Variants in RCC1 observed in about 807,000 individuals in gnomAD.
The protein encoded by RCC1 is regulator of chromosome condensation.
A neutral mutation model predicts 44.4 loss-of-function variants in RCC1; 11 were observed. The ratio of observed to expected loss-of-function variants is 0.25; its 90% CI spans 0.16 to 0.41. The LOEUF (loss-of-function observed/expected upper bound fraction) is 0.41. Among genes scored for constraint, RCC1 ranks in the 10% least tolerant of loss-of-function variants. The pLI is 1.00. For missense variants in RCC1, 386 were observed against 547.1 expected, an observed-to-expected ratio of 0.71 and a Z score of 2.94; for synonymous variants, 213 against 216.5, an observed-to-expected ratio of 0.98 and a Z score of 0.14.
rs117031390 is a variant in RCC1, at chr1:28,514,856, C to G, written c.-152-1869C>G. Among the ~76,000 whole-genome samples, 328 of 152,156 alleles carry G rather than the reference C, an allele frequency of 2.2e-3. 5 individuals are homozygous for G. In the South Asian group the frequency reaches 0.025, roughly 12 times the overall value. On this transcript the variant is annotated intron_variant, in intron 3 of 12. Transcript: ENST00000683442. ...AGCCAAGGCAGGCAGATCACGAGGT[C>G]AGAGCGAGACTCCGTCTCGAAAAAA...
Position 28,532,348 on chromosome 1 carries a change from C to T in RCC1, c.439C>T (p.Arg147Trp), listed in dbSNP as rs766832365. 2.5e-6 allele frequency: 4 copies of T among 1,613,808 alleles called. No individual in the cohort carries two copies. The highest frequency in any genetic ancestry group is 1.1e-5 in the South Asian group (1 of 91,064). Residue 147 changes from arginine to tryptophan, a missense_variant and splice_region_variant, in exon 7 of 13, where the codon CGG (arginine) becomes TGG (tryptophan). By Grantham distance (101) the Arg-to-Trp change is moderately radical. Transcript: ENST00000683442. ...DGRVFLWGSFRDNNGVIGLLE... is the reference protein window; with the variant it reads ...DGRVFLWGSFWDNNGVIGLLE... ...CCGTGTCTTCCTCTGGGGCTCCTTC[C>T]GGGTAAGGCTGGGTCTGAAAGTCTG...
chr1:28,536,090 C>T lies in RCC1; in HGVS notation c.817+64C>T. 2 of 1,555,860 alleles carry T rather than the reference C, an allele frequency of 1.3e-6. No individual in the cohort carries two copies. The highest frequency in any genetic ancestry group is 1.7e-6 in the Non-Finnish European group (2 of 1,149,576). On this transcript the variant is annotated intron_variant, in intron 10 of 12. Coordinates refer to ENST00000683442, the MANE Select transcript of RCC1 (RefSeq NM_001381865.2). This position sits in a 1 kb window ranked among gnomAD's most constrained non-coding sequence, Gnocchi z 4.9. Reference sequence around the variant, plus strand: ...CTGCGTTCCTGTCCTGGCTCTGCCACTCATTCATTGTGCATCCTTTGCGGG... The same window carrying T: ...CTGCGTTCCTGTCCTGGCTCTGCCATTCATTCATTGTGCATCCTTTGCGGG...
intron 7 of RCC1, among the ~76,000 whole-genome samples, chr1:28,533,674 G>A (rs1664325677): frequency 7.0e-6 from 1 of 143,520 alleles, no homozygotes; most frequent in Non-Finnish European, 1.5e-5. Flanking sequence ...GGAGGCTGAG[G>A]CAGGAGAATT....
At chr1:28,510,697 A>G (rs1662469996) in intron 3 of RCC1, 3 of 152,240 alleles carry the variant, frequency 2.0e-5, no homozygotes, top group Non-Finnish European at 4.4e-5. Flanking sequence ...GCATATTCCA[A>G]TGGGGAATCC....
At chr1:28,533,166 A>G (rs1664286046) in intron 7 of RCC1, among the ~76,000 whole-genome samples, 1 of 152,118 alleles carries the variant, frequency 6.6e-6, no homozygotes, top group South Asian at 2.1e-4. Context: ...GAGAATTTCA[A>G]ACACATGAAA....
intron 4 of RCC1, among the ~76,000 whole-genome samples, chr1:28,521,378 G>A (rs1481615927): frequency 4.0e-5 from 6 of 151,602 alleles, no homozygotes; most frequent in African/African-American, 1.5e-4. Context: ...GCAGGCGCCT[G>A]TAGTCCCAGC....
intron 5 of RCC1, chr1:28,530,530 G>A (rs751637932): frequency 6.2e-7 from 1 of 1,603,652 alleles, no homozygotes; most frequent in South Asian, 1.1e-5. Context: ...CAGACACGAG[G>A]GCCGCTGCCT....
chr1:28,506,295 G>T (rs537647807), intron 1 of RCC1: 9 of 438,402 alleles, frequency 2.1e-5, no homozygotes, highest in Non-Finnish European at 4.1e-5. Flanking sequence ...AGCGATTCTC[G>T]TGCCTCAGCC....
intron 3 of RCC1, among the ~76,000 whole-genome samples, chr1:28,514,141 A>G (rs1662724862): frequency 6.6e-6 from 1 of 150,846 alleles, no homozygotes; most frequent in African/African-American, 2.4e-5. Context: ...TAGGCAACAG[A>G]GCAAGACTCC....
intron 1 of RCC1, chr1:28,507,621 T>TTG (rs1662104107): frequency 2.4e-6 from 1 of 417,452 alleles, no homozygotes; most frequent in Non-Finnish European, 4.6e-6. Flanking sequence ...TTTTTTTTTT[T>TTG]GGAGATGGAG....
chr1:28,508,914 AT>A lies in RCC1; in HGVS notation c.-153+20del, dbSNP rs199555587. 31,150 of 406,358 alleles carry A rather than the reference AT, an allele frequency of 0.077. 2,585 individuals are homozygous for A. Among genetic ancestry groups the A allele is most frequent in the African/African-American group, 0.31 (15,540 of 49,512 alleles). 25.2% of individuals were successfully genotyped at this position (406,358 alleles called of 1,614,324 possible). ...TATAGAAGGGAGAGTAGGTAAACTG[AT>A]TTTTTTTTTTAACAGGGAGGGTTTG... On this transcript the variant is annotated intron_variant, in intron 3 of 12. Coordinates refer to ENST00000683442, the MANE Select transcript of RCC1 (RefSeq NM_001381865.2).
In RCC1 at chr1:28,516,739, A is replaced by G; in HGVS notation, c.-138A>G. The G allele has an allele frequency of 2.3e-6, 1 of 428,634 alleles. No homozygotes were observed. The highest frequency in any genetic ancestry group is 4.6e-6 in the Non-Finnish European group (1 of 216,860). The allele number at this position is 428,634 out of a possible 1,614,324, so 26.6% of individuals were successfully genotyped here. A position where few individuals can be genotyped will look rare whatever the true frequency, so the allele number is the denominator to read the frequency against. ...ATTACATGAAGCTACATGAATGTGTAAGATCTTGGAGGAAGACAGCAGAGA... is the reference window on the plus strand; with the variant it reads ...ATTACATGAAGCTACATGAATGTGTGAGATCTTGGAGGAAGACAGCAGAGA... On this transcript the variant is annotated 5_prime_UTR_variant, in exon 4 of 13. An upstream open reading frame in the 5' UTR loses its in-frame stop. Coordinates refer to ENST00000683442, the MANE Select transcript of RCC1 (RefSeq NM_001381865.2).
chr1:28,511,976 C>CT (rs36018995), intron 3 of RCC1, among the ~76,000 whole-genome samples: 2,925 of 99,484 alleles, frequency 0.029, 66 homozygotes, highest in Non-Finnish European at 0.04. Flanking sequence ...AAGCCTGATC[C>CT]TTTTTTTTTT....
In RCC1 at chr1:28,538,065, G is replaced by T; in HGVS notation, c.*58G>T. The T allele has an allele frequency of 6.5e-7, 1 of 1,530,346 alleles. No individual in the cohort carries two copies. Among genetic ancestry groups the T allele is most frequent in the East Asian group, 2.3e-5 (1 of 43,292 alleles). The allele number at this position is 1,530,346 out of a possible 1,614,324, so 94.8% of individuals were successfully genotyped here. On this transcript the variant is annotated 3_prime_UTR_variant, in exon 13 of 13. Coordinates refer to ENST00000683442, the MANE Select transcript of RCC1 (RefSeq NM_001381865.2). Reference sequence around the variant, plus strand: ...ACAACCTCCCTCACAGAACAGGGAAGCAGTGACAGCTGCAGATGGCAGCGG... The same window carrying T: ...ACAACCTCCCTCACAGAACAGGGAATCAGTGACAGCTGCAGATGGCAGCGG...
In RCC1 at chr1:28,538,177, T is replaced by C. The variant is rs1664673642; in HGVS notation, c.*170T>C. Reference sequence around the variant, plus strand: ...CCTTTTCCTCTTTTCCTTCCTCCTCTTTGGAATTTTCCTGGGACCTACAGA... The same window carrying C: ...CCTTTTCCTCTTTTCCTTCCTCCTCCTTGGAATTTTCCTGGGACCTACAGA... On this transcript the variant is annotated 3_prime_UTR_variant, in exon 13 of 13. Coordinates refer to ENST00000683442, the MANE Select transcript of RCC1 (RefSeq NM_001381865.2). 3 of 502,416 alleles carry C rather than the reference T, an allele frequency of 6.0e-6. No homozygotes were observed. The highest frequency in any genetic ancestry group is 6.7e-6 in the Non-Finnish European group (2 of 298,230). The allele number at this position is 502,416 out of a possible 1,614,324, so 31.1% of individuals were successfully genotyped here. A position where few individuals can be genotyped will look rare whatever the true frequency, so the allele number is the denominator to read the frequency against.
At chr1:28,534,479 CTCTTT>C (rs1664419721) in intron 7 of RCC1, among the ~76,000 whole-genome samples, 1 of 152,128 alleles carries the variant, frequency 6.6e-6, no homozygotes, top group Admixed American at 6.6e-5. Context: ...CGCGCCCGGC[CTCTTT>C]TCTTTTTTAA....
At chr1:28,526,914 G>T in intron 4 of RCC1, 4 of 710,152 alleles carry the variant, frequency 5.6e-6, no homozygotes, top group Non-Finnish European at 9.8e-6. Context: ...AAAAAAAAAA[G>T]AAAGAAATCC....
intron 4 of RCC1, chr1:28,526,404 G>T (rs905538551): frequency 1.1e-5 from 5 of 443,994 alleles, no homozygotes; most frequent in Admixed American, 5.4e-5. Flanking sequence ...GAAGTCTCGA[G>T]AAATTCGCTT....
intron 1 of RCC1, chr1:28,507,401 G>T (rs902688746): frequency 1.9e-6 from 1 of 518,916 alleles, no homozygotes; most frequent in African/African-American, 1.9e-5. Context: ...ACTCTCCCCG[G>T]GCTCTGTCCA....
Sources: allele counts gnomAD v4.1 joint callset (sites outside exome capture counted in the v4.1 genomes callset), GRCh38; gene constraint gnomAD v4.1.1; non-coding constraint Gnocchi (gnomAD v3.1); transcripts MANE v1.5; gene names NCBI Gene and HGNC (gene_info 2026-07-23, HGNC 2026-07-21).